NPAS3: variants seen among roughly 807,000 people sequenced by gnomAD.
NPAS3 encodes the protein neuronal PAS domain-containing protein 3.
NPAS3 carries 14 observed loss-of-function variants against 73.1 expected under a neutral mutation model. That is an observed-to-expected ratio of 0.19 (90% CI 0.13 to 0.30). The LOEUF (loss-of-function observed/expected upper bound fraction) is 0.30, where lower values mean the gene tolerates loss of function less well. NPAS3 is among the 10% of genes least tolerant of loss of function. The pLI is 1.00. For synonymous variants in NPAS3, 620 were observed against 541.5 expected, an observed-to-expected ratio of 1.14 and a Z score of -2.01; for missense variants, 1,096 against 1,250.0, an observed-to-expected ratio of 0.88 and a Z score of 1.86.
At chr14:33,677,610 C>T (rs563613964) in intron 6 of NPAS3, among the ~76,000 whole-genome samples, 81 of 71,598 alleles carry the variant, frequency 1.1e-3, no homozygotes, top group African/African-American at 6.2e-3. Flanking sequence ...TGTTTTCTCA[C>T]ACAGAAGGAA....
chr14:33,727,527 A>G (rs994366596), intron 6 of NPAS3, among the ~76,000 whole-genome samples: 7 of 152,036 alleles, frequency 4.6e-5, no homozygotes, highest in African/African-American at 1.7e-4. Context: ...TGCCTTCACA[A>G]AGGTGTTTAT....
chr14:33,285,283 T>C (rs552160505), intron 3 of NPAS3, among the ~76,000 whole-genome samples: 1 of 151,978 alleles, frequency 6.6e-6, no homozygotes, highest in South Asian at 2.1e-4. Flanking sequence ...TACACACAGA[T>C]GAAAAAATGA....
At chr14:33,209,431 C>T (rs963876448) in intron 2 of NPAS3, among the ~76,000 whole-genome samples, 2 of 152,098 alleles carry the variant, frequency 1.3e-5, no homozygotes, top group South Asian at 2.1e-4. Flanking sequence ...TACTTTTTCC[C>T]TGGGAAGGCT....
intron 5 of NPAS3, among the ~76,000 whole-genome samples, chr14:33,566,183 C>T (rs2055922746): frequency 6.6e-6 from 1 of 151,984 alleles, no homozygotes; most frequent in Non-Finnish European, 1.5e-5. Context: ...CCTACAAGGG[C>T]ACTTTGAAAA....
intron 4 of NPAS3, among the ~76,000 whole-genome samples, chr14:33,470,984 A>G (rs2050755735): frequency 6.6e-6 from 1 of 152,070 alleles, no homozygotes; most frequent in African/African-American, 2.4e-5. Context: ...CCAACAATCT[A>G]CAATCTACCT....
chr14:33,169,504 G>A (rs1378030645), intron 2 of NPAS3, among the ~76,000 whole-genome samples: 3 of 152,174 alleles, frequency 2.0e-5, no homozygotes, highest in Non-Finnish European at 2.9e-5. Flanking sequence ...GGAGGCGGAG[G>A]TTGCAGTGAG....
chr14:33,495,059 T>G (rs2052102937), intron 4 of NPAS3, among the ~76,000 whole-genome samples: 1 of 152,096 alleles, frequency 6.6e-6, no homozygotes, highest in South Asian at 2.1e-4. Flanking sequence ...TTCTTTTCAT[T>G]GTGGTGTTAG....
At chr14:33,622,848 G>T (rs945935257) in intron 5 of NPAS3, among the ~76,000 whole-genome samples, 1 of 152,110 alleles carries the variant, frequency 6.6e-6, no homozygotes, top group Non-Finnish European at 1.5e-5. Context: ...TTCCCAATCA[G>T]TCAAGAATGC....
intron 2 of NPAS3, among the ~76,000 whole-genome samples, chr14:33,129,112 T>A (rs1440138103): frequency 6.6e-6 from 1 of 152,066 alleles, no homozygotes; most frequent in Non-Finnish European, 1.5e-5. Flanking sequence ...GAGGACTCCC[T>A]GGATGTGGTG....
chr14:33,689,893 C>A (rs2060188129), intron 6 of NPAS3, among the ~76,000 whole-genome samples: 1 of 152,130 alleles, frequency 6.6e-6, no homozygotes, highest in African/African-American at 2.4e-5. Context: ...GGAGGCTGGC[C>A]AGCTCCACTT....
chr14:33,414,387 T>C (rs1383775070), intron 4 of NPAS3, among the ~76,000 whole-genome samples: 1 of 152,152 alleles, frequency 6.6e-6, no homozygotes, highest in Non-Finnish European at 1.5e-5. Context: ...TGGGCGTCTC[T>C]GTGAGATATA....
At chr14:33,266,109 G>A (rs1346631460) in intron 3 of NPAS3, among the ~76,000 whole-genome samples, 2 of 152,094 alleles carry the variant, frequency 1.3e-5, no homozygotes, top group Admixed American at 6.6e-5. Flanking sequence ...AAAGTGTGAT[G>A]TCCTTTGGGG....
chr14:33,593,950 C>T (rs923563508), intron 5 of NPAS3, among the ~76,000 whole-genome samples: 107 of 152,168 alleles, frequency 7.0e-4, no homozygotes, highest in Non-Finnish European at 6.6e-4. Flanking sequence ...TCTCAACACA[C>T]ATCACACCAC....
At chr14:33,668,275 C>T (rs1486317586) in intron 5 of NPAS3, among the ~76,000 whole-genome samples, 1 of 152,174 alleles carries the variant, frequency 6.6e-6, no homozygotes, top group East Asian at 1.9e-4. Flanking sequence ...GATCTTCCAC[C>T]ATACAGTAGC....
chr14:33,207,689 T>C (rs2046882674), intron 2 of NPAS3, among the ~76,000 whole-genome samples: 1 of 152,160 alleles, frequency 6.6e-6, no homozygotes, highest in Admixed American at 6.6e-5. Context: ...ACAGAATTTA[T>C]GAGAAATGGA....
chr14:33,046,628 A>C (rs1260615286), intron 1 of NPAS3, among the ~76,000 whole-genome samples: 1 of 152,198 alleles, frequency 6.6e-6, no homozygotes, highest in East Asian at 1.9e-4. Context: ...TATATGTGCT[A>C]TCTGGAAGAA....
At chr14:33,460,117 G>A (rs926091879) in intron 4 of NPAS3, among the ~76,000 whole-genome samples, 5 of 152,196 alleles carry the variant, frequency 3.3e-5, no homozygotes, top group African/African-American at 7.2e-5. Context: ...AAGAGTACTC[G>A]TACACATACA....
At chr14:33,653,507 C>T (rs1473964406) in intron 5 of NPAS3, among the ~76,000 whole-genome samples, 2 of 152,188 alleles carry the variant, frequency 1.3e-5, no homozygotes, top group East Asian at 1.9e-4. Flanking sequence ...CCCCTGAATC[C>T]GCCCCTTGGC....
chr14:33,785,290 C>G (rs1470433713), intron 9 of NPAS3, among the ~76,000 whole-genome samples: 1 of 151,650 alleles, frequency 6.6e-6, no homozygotes, highest in Non-Finnish European at 1.5e-5. Context: ...CAAAAATTAG[C>G]TGGGCATGGT....
Sources: gnomAD v4.1 joint callset for allele counts (sites outside exome capture counted in the v4.1 genomes callset) on GRCh38, gnomAD v4.1.1 for gene constraint, MANE v1.5 for transcripts, NCBI Gene and HGNC (gene_info 2026-07-23, HGNC 2026-07-21) for gene names.